Variants in BNC2 observed in about 807,000 individuals in gnomAD.
The protein encoded by BNC2 is basonuclin zinc finger protein 2.
In BNC2, 20 loss-of-function variants were observed where a neutral mutation model predicts 76.3. That is an observed-to-expected ratio of 0.26 (90% CI 0.18 to 0.38). The LOEUF is 0.38. BNC2 is among the 10% of genes least tolerant of loss of function. BNC2 has a pLI of 1.00. For missense variants in BNC2, 1,382 were observed against 1,399.8 expected (o/e 0.99, Z 0.20); for synonymous variants, 582 against 514.8 (o/e 1.13, Z -1.77).
intron 1 of BNC2, among the ~76,000 whole-genome samples, chr9:16,764,415 G>C (rs1187236361): frequency 2.0e-5 from 3 of 152,208 alleles, no homozygotes; most frequent in East Asian, 3.9e-4. Flanking sequence ...AAAAAATTAA[G>C]TGGAAACACA....
At chr9:16,448,630 T>C (rs16934679) in intron 5 of BNC2, among the ~76,000 whole-genome samples, 9,987 of 152,254 alleles carry the variant, frequency 0.066, 343 homozygotes, top group Middle Eastern at 0.12. Context: ...GTAAGCAGTA[T>C]TCCATAAAAC....
chr9:16,686,927 G>A (rs1252098150), intron 3 of BNC2, among the ~76,000 whole-genome samples: 1 of 152,186 alleles, frequency 6.6e-6, no homozygotes, highest in Admixed American at 6.5e-5. Context: ...AGTGTCATCT[G>A]TCTTTGAAGT....
In BNC2 at chr9:16,507,522, G is replaced by C. The variant is rs1009521414; in HGVS notation, c.669+45008C>G. On this transcript the variant is annotated intron_variant, in intron 5 of 6. Transcript: ENST00000380672. ...CAGCTTACTGCAACCTCCACCTCCC[G>C]GGTTCAAGCGATTCTCCTGCCTCAG... 3.3e-5 allele frequency among the ~76,000 whole-genome samples: 5 copies of C among 152,156 alleles called. No homozygotes were observed. The East Asian group carries it at 9.7e-4, about 30-fold the overall frequency.
intron 5 of BNC2, among the ~76,000 whole-genome samples, chr9:16,505,781 T>A (rs1034996500): frequency 6.6e-6 from 1 of 152,114 alleles, no homozygotes; most frequent in African/African-American, 2.4e-5. Context: ...TCAGGTGATT[T>A]GAATTTCATG....
chr9:16,783,135 T>C (rs1166664466), intron 1 of BNC2, among the ~76,000 whole-genome samples: 2 of 152,128 alleles, frequency 1.3e-5, no homozygotes, highest in African/African-American at 4.8e-5. Flanking sequence ...AATACACAAT[T>C]TGCAAATAAA....
chr9:16,770,165 G>A (rs1445529720), intron 1 of BNC2, among the ~76,000 whole-genome samples: 1 of 152,068 alleles, frequency 6.6e-6, no homozygotes, highest in Non-Finnish European at 1.5e-5. Flanking sequence ...GGAAGGTATG[G>A]GCCAAATCTC....
At chr9:16,824,432 A>G (rs10810639) in intron 1 of BNC2, among the ~76,000 whole-genome samples, 47,282 of 152,022 alleles carry the variant, frequency 0.31, 8,016 homozygotes, top group East Asian at 0.55. Flanking sequence ...CACTCTTTCA[A>G]GTAAAATCTA....
At chr9:16,551,195 G>A (rs1038892502) in intron 5 of BNC2, among the ~76,000 whole-genome samples, 1 of 152,110 alleles carries the variant, frequency 6.6e-6, no homozygotes, top group African/African-American at 2.4e-5. Flanking sequence ...TCTTTTGAGG[G>A]CCAAATTTTC....
At chr9:16,481,619 C>A (rs887808021) in intron 5 of BNC2, among the ~76,000 whole-genome samples, 1 of 152,204 alleles carries the variant, frequency 6.6e-6, no homozygotes, top group Non-Finnish European at 1.5e-5. Context: ...TCCGGACACA[C>A]CATCGCTGAT....
At chr9:16,663,265 G>T (rs1318060501) in intron 3 of BNC2, among the ~76,000 whole-genome samples, 1 of 151,566 alleles carries the variant, frequency 6.6e-6, no homozygotes, top group Non-Finnish European at 1.5e-5. Context: ...GAGTAGCTGG[G>T]CTGATTACAG....
chr9:16,786,697 C>A (rs113107145), intron 1 of BNC2, among the ~76,000 whole-genome samples: 40 of 152,270 alleles, frequency 2.6e-4, no homozygotes, highest in African/African-American at 8.9e-4. Flanking sequence ...GGGGGAGAGG[C>A]CCTGCCCCAA....
Position 16,437,253 on chromosome 9 carries a change from T to C in BNC2, c.941A>G (p.Asn314Ser). 1.2e-6 allele frequency: 2 copies of C among 1,614,128 alleles called. No individual in the cohort carries two copies. The highest frequency in any genetic ancestry group is 1.7e-6 in the Non-Finnish European group (2 of 1,180,024). ...SNPSSIHHFE[N>S]IPNSLAFLLP... ...CAGAAATGCAAGGCTGTTTGGGATG[T>C]TTTCGAAGTGATGAATGCTGGAAGG... The change falls in exon 6 of 7, where the codon AAC becomes AGC. Residue 314 changes from asparagine (N) to serine (S), a missense_variant. Around this residue, in one of 3 missense-constraint regions of BNC2, gnomAD observed 557 missense variants for 540.9 expected, o/e 1.03. Transcript: ENST00000380672.
intron 5 of BNC2, among the ~76,000 whole-genome samples, chr9:16,537,788 C>T (rs760873247): frequency 6.6e-6 from 1 of 152,158 alleles, no homozygotes; most frequent in South Asian, 2.1e-4. Flanking sequence ...GTCTAGGAAA[C>T]CACAACTTAT....
At chr9:16,782,227 G>C (rs1176526788) in intron 1 of BNC2, among the ~76,000 whole-genome samples, 1 of 151,928 alleles carries the variant, frequency 6.6e-6, no homozygotes, top group Non-Finnish European at 1.5e-5. Context: ...AGAGGTTTCA[G>C]TCAGCCGAGA....
At chr9:16,621,923 T>C (rs1343975626) in intron 3 of BNC2, among the ~76,000 whole-genome samples, 1 of 152,188 alleles carries the variant, frequency 6.6e-6, no homozygotes, top group Non-Finnish European at 1.5e-5. Flanking sequence ...ATTATTAAAA[T>C]CAATTTCACC....
intron 3 of BNC2, among the ~76,000 whole-genome samples, chr9:16,658,388 T>C (rs919979360): frequency 6.6e-6 from 1 of 152,186 alleles, no homozygotes; most frequent in Non-Finnish European, 1.5e-5. Context: ...TCAATGTTCC[T>C]AAATGTCACT....
In BNC2 at chr9:16,675,069, C is replaced by T. The variant is rs73417964; in HGVS notation, c.330+52728G>A. On this transcript the variant is annotated intron_variant, in intron 3 of 6. Transcript: ENST00000380672. ...TAGCATCAAGCTAGCACATTTCACA[C>T]ACAGTGCAGGAAGATCTGCTATTTT... 5.2e-3 allele frequency among the ~76,000 whole-genome samples: 787 copies of T among 152,306 alleles called. 7 individuals are homozygous for T. Among genetic ancestry groups the T allele is most frequent in the African/African-American group, 0.018 (728 of 41,564 alleles).
At chr9:16,428,095 A>C (rs924048496) in intron 6 of BNC2, among the ~76,000 whole-genome samples, 4 of 152,160 alleles carry the variant, frequency 2.6e-5, no homozygotes, top group Non-Finnish European at 5.9e-5. Flanking sequence ...TGCTAATGTC[A>C]AGTCCTGGTA....
At chr9:16,636,531 G>A (rs1166333670) in intron 3 of BNC2, among the ~76,000 whole-genome samples, 1 of 152,078 alleles carries the variant, frequency 6.6e-6, no homozygotes, top group Non-Finnish European at 1.5e-5. Flanking sequence ...TTGAACTCCT[G>A]AGCTCATGCG....
Sources: gnomAD v4.1 joint callset for allele counts (sites outside exome capture counted in the v4.1 genomes callset) on GRCh38, gnomAD v4.1.1 for gene constraint, gnomAD v4.1.1 regional missense constraint, MANE v1.5 for transcripts, NCBI Gene and HGNC (gene_info 2026-07-23, HGNC 2026-07-21) for gene names.